The following TBC1D4 variants were observed in gnomAD, a reference collection of about 807,000 sequenced individuals.
TBC1D4 encodes the protein TBC (Tre-2, BUB2, CDC16) domain-containing protein.
TBC1D4 carries 121 observed loss-of-function variants against 142.5 expected under a neutral mutation model. The observed-to-expected ratio is 0.85, with a 90% CI of 0.73 to 0.99. The LOEUF (loss-of-function observed/expected upper bound fraction) is 0.99. TBC1D4 is among the 50% of genes least tolerant of loss of function. TBC1D4 has a pLI of 0.00. For missense variants in TBC1D4, 1,475 were observed against 1,606.6 expected (o/e 0.92, Z 1.40); for synonymous variants, 630 against 628.2 (o/e 1.00, Z -0.04).
chr13:75,305,959 G>A (rs562130649), intron 15 of TBC1D4, among the ~76,000 whole-genome samples: 3 of 152,156 alleles, frequency 2.0e-5, no homozygotes, highest in African/African-American at 7.2e-5. Flanking sequence ...TATATACACA[G>A]TCATGTAAAT....
At chr13:75,455,469 C>T (rs2138258458) in intron 1 of TBC1D4, among the ~76,000 whole-genome samples, 1 of 152,194 alleles carries the variant, frequency 6.6e-6, no homozygotes, top group Middle Eastern at 3.4e-3. Context: ...AAGCCAAGTG[C>T]CGTGGGACAG....
chr13:75,379,069 A>G (rs541050372), intron 1 of TBC1D4, among the ~76,000 whole-genome samples: 47 of 152,326 alleles, frequency 3.1e-4, no homozygotes, highest in Admixed American at 9.1e-4. Flanking sequence ...TTAAAAAAAC[A>G]GTATATAAAC....
At chr13:75,398,481 G>A (rs1037230604) in intron 1 of TBC1D4, among the ~76,000 whole-genome samples, 1 of 152,166 alleles carries the variant, frequency 6.6e-6, no homozygotes, top group African/African-American at 2.4e-5. Flanking sequence ...AAACAATGAG[G>A]AAAACTGTTG....
intron 2 of TBC1D4, among the ~76,000 whole-genome samples, chr13:75,360,138 A>T (rs1358553184): frequency 6.6e-6 from 1 of 152,196 alleles, no homozygotes; most frequent in Non-Finnish European, 1.5e-5. Flanking sequence ...CTGTCTTTTT[A>T]AAAAATATGC....
intron 5 of TBC1D4, among the ~76,000 whole-genome samples, chr13:75,348,953 G>C (rs1278700765): frequency 8.4e-6 from 1 of 118,522 alleles, no homozygotes; most frequent in African/African-American, 3.4e-5. Flanking sequence ...GAGAGAGAGA[G>C]AGTGTGTGTG....
In TBC1D4 at chr13:75,354,222, G is replaced by A. The variant is rs568719492; in HGVS notation, c.1275+1925C>T. Among the ~76,000 whole-genome samples, 12 of 152,346 alleles carry A rather than the reference G, an allele frequency of 7.9e-5. No individual in the cohort carries two copies. In the South Asian group the frequency reaches 2.5e-3, roughly 32 times the overall value. On this transcript the variant is annotated intron_variant, in intron 4 of 20. Coordinates refer to ENST00000377636, the MANE Select transcript of TBC1D4 (RefSeq NM_014832.5). ...GCTAGAGAATGAAGTGAGCCCCACT[G>A]TGTGCTACACAATATAGATTTTGTC...
intron 1 of TBC1D4, among the ~76,000 whole-genome samples, chr13:75,379,339 C>A (rs886581563): frequency 4.3e-4 from 65 of 152,046 alleles, no homozygotes; most frequent in Admixed American, 2.0e-4. Flanking sequence ...TCAATATGTG[C>A]AATGACAAAT....
chr13:75,390,917 C>T (rs1884446270), intron 1 of TBC1D4, among the ~76,000 whole-genome samples: 1 of 150,390 alleles, frequency 6.6e-6, no homozygotes, highest in African/African-American at 2.5e-5. Flanking sequence ...TCTTTGGATA[C>T]ATATCCAAAG....
intron 1 of TBC1D4, among the ~76,000 whole-genome samples, chr13:75,460,947 G>T (rs183216855): frequency 6.6e-6 from 1 of 152,094 alleles, no homozygotes; most frequent in East Asian, 1.9e-4. Flanking sequence ...AAAGGAGAGA[G>T]ATAAGGAATG....
At chr13:75,386,299 C>T (rs748000124) in intron 1 of TBC1D4, among the ~76,000 whole-genome samples, 1 of 152,036 alleles carries the variant, frequency 6.6e-6, no homozygotes, top group Non-Finnish European at 1.5e-5. Flanking sequence ...AAATTATACA[C>T]TTTTTACCTG....
intron 1 of TBC1D4, among the ~76,000 whole-genome samples, chr13:75,390,741 T>C (rs9573536): frequency 0.94 from 142,202 of 151,682 alleles, 67,362 homozygotes; most frequent in East Asian, 1. Flanking sequence ...AAGGCAGCAA[T>C]TGTCAAAAGA....
chr13:75,472,438 A>T (rs1416829210), intron 1 of TBC1D4, among the ~76,000 whole-genome samples: 1 of 151,992 alleles, frequency 6.6e-6, no homozygotes, highest in Admixed American at 6.6e-5. Context: ...AAATAAAAAT[A>T]AAAAAAAGAA....
intron 1 of TBC1D4, among the ~76,000 whole-genome samples, chr13:75,449,393 AATG>A (rs1340252934): frequency 6.6e-6 from 1 of 152,010 alleles, no homozygotes; most frequent in Non-Finnish European, 1.5e-5. Flanking sequence ...AATAACAACT[AATG>A]ATAACATTGA....
chr13:75,406,555 G>T (rs1202153677), intron 1 of TBC1D4, among the ~76,000 whole-genome samples: 1 of 152,168 alleles, frequency 6.6e-6, no homozygotes, highest in Non-Finnish European at 1.5e-5. Flanking sequence ...CTAAGTGTTG[G>T]TGAGGATAAG....
At chr13:75,291,939 T>G (rs944371442) in intron 19 of TBC1D4, among the ~76,000 whole-genome samples, 163 bp downstream of exon 19, 2 of 150,396 alleles carry the variant, frequency 1.3e-5, no homozygotes, top group African/African-American at 4.8e-5. Context: ...CATAGCCAGA[T>G]AGAAAATGTC....
At chr13:75,396,847 AAAG>A (rs536540772) in intron 1 of TBC1D4, among the ~76,000 whole-genome samples, 34 of 152,304 alleles carry the variant, frequency 2.2e-4, no homozygotes, top group African/African-American at 7.5e-4. Context: ...AATTATGATT[AAAG>A]AATAGACATT....
intron 4 of TBC1D4, among the ~76,000 whole-genome samples, chr13:75,350,549 T>C (rs1209535184): frequency 6.6e-6 from 1 of 152,204 alleles, no homozygotes; most frequent in Admixed American, 6.5e-5. Flanking sequence ...TTTCTAATTC[T>C]TGAAAATAAA....
rs74607653 is a variant in TBC1D4, at chr13:75,371,242, G to A, written c.499-8635C>T. 4.2e-3 allele frequency among the ~76,000 whole-genome samples: 636 copies of A among 152,308 alleles called. 4 individuals are homozygous for A. Among genetic ancestry groups the A allele is most frequent in the African/African-American group, 0.014 (602 of 41,562 alleles). Reference sequence around the variant, plus strand: ...GGGCAGCAGTAGGAGAAACAAGTGAGTCAAGACAGGGTTCTCTCTTGGAAG... The same window carrying A: ...GGGCAGCAGTAGGAGAAACAAGTGAATCAAGACAGGGTTCTCTCTTGGAAG... On this transcript the variant is annotated intron_variant, in intron 1 of 20. Transcript: ENST00000377636.
intron 1 of TBC1D4, among the ~76,000 whole-genome samples, chr13:75,386,830 T>C (rs1235723214): frequency 6.6e-6 from 1 of 152,206 alleles, no homozygotes; most frequent in Non-Finnish European, 1.5e-5. Flanking sequence ...GTATAAAATT[T>C]TGAATACGCA....
Sources: gnomAD v4.1 joint callset for allele counts (sites outside exome capture counted in the v4.1 genomes callset) on GRCh38, gnomAD v4.1.1 for gene constraint, MANE v1.5 for transcripts, NCBI Gene and HGNC (gene_info 2026-07-23, HGNC 2026-07-21) for gene names.